Variants in DMGDH observed in about 807,000 individuals in gnomAD.
DMGDH encodes dimethylglycine dehydrogenase.
Under a neutral mutation model 95.2 loss-of-function variants are expected in DMGDH, and 76 were observed. That is an observed-to-expected ratio of 0.80 (90% CI 0.66 to 0.97). DMGDH has a LOEUF of 0.97. Ranked by LOEUF, DMGDH falls within the 50% of genes least tolerant of loss-of-function variation. The pLI is 0.00. For missense variants in DMGDH, 987 were observed against 1,055.0 expected (o/e 0.94, Z 0.89); for synonymous variants, 345 against 377.6 (o/e 0.91, Z 1.00).
intron 14 of DMGDH, among the ~76,000 whole-genome samples, chr5:79,012,257 T>A (rs1460501092): frequency 6.6e-6 from 1 of 152,168 alleles, no homozygotes; most frequent in Non-Finnish European, 1.5e-5. Context: ...AGGGAAGTCA[T>A]TAAATCTTAA....
In DMGDH at chr5:79,001,065, A is replaced by T. The variant is rs936072370; in HGVS notation, c.2386-2768T>A. The T allele has an allele frequency of 2.3e-5, 15 of 659,382 alleles. No homozygotes were observed. The African/African-American group carries it at 2.4e-4, about 10-fold the overall frequency. 40.8% of individuals were successfully genotyped at this position (659,382 alleles called of 1,614,324 possible). A position where few individuals can be genotyped will look rare whatever the true frequency, so the allele number is the denominator to read the frequency against. On this transcript the variant is annotated intron_variant, in intron 15 of 15. Coordinates refer to ENST00000255189, the MANE Select transcript of DMGDH (RefSeq NM_013391.3). ...CCATTCCTCGCCATCAATGGCTACC[A>T]TTGCTTCAATTTCCTCATCCTGCCT...
intron 4 of DMGDH, among the ~76,000 whole-genome samples, chr5:79,052,711 T>C (rs1754904984): frequency 6.6e-6 from 1 of 152,194 alleles, no homozygotes; most frequent in Non-Finnish European, 1.5e-5. Flanking sequence ...CAGCAAAGCA[T>C]TCAGGATTGA....
At chr5:79,050,270 AAAAATATATATATAT>A (rs1300762687) in intron 5 of DMGDH, among the ~76,000 whole-genome samples, 3 of 30,506 alleles carry the variant, frequency 9.8e-5, no homozygotes, top group Admixed American at 4.3e-4. Flanking sequence ...AAAAAAAAAA[AAAAATATATATATAT>A]ATATATATAT....
intron 5 of DMGDH, among the ~76,000 whole-genome samples, chr5:79,045,152 C>A (rs1407387982): frequency 6.6e-6 from 1 of 152,100 alleles, no homozygotes; most frequent in East Asian, 1.9e-4. Flanking sequence ...TAAGTTTTAT[C>A]TGTTGTTTTA....
At chr5:79,020,896 A>G (rs1198563180) in intron 14 of DMGDH, 2 of 985,334 alleles carry the variant, frequency 2.0e-6, no homozygotes, top group Non-Finnish European at 2.4e-6. Context: ...ATGGACAAAA[A>G]TTCAATATTT....
intron 4 of DMGDH, among the ~76,000 whole-genome samples, chr5:79,052,756 G>A (rs1377477891): frequency 2.0e-5 from 3 of 152,336 alleles, no homozygotes; most frequent in African/African-American, 7.2e-5. Flanking sequence ...CTTACTGGTA[G>A]TGGAGGTAAA....
intron 5 of DMGDH, among the ~76,000 whole-genome samples, chr5:79,047,989 C>T (rs1268838251): frequency 6.6e-6 from 1 of 152,130 alleles, no homozygotes; most frequent in Non-Finnish European, 1.5e-5. Flanking sequence ...AGAATCGGTG[C>T]TGGATTCTGC....
intron 1 of DMGDH, among the ~76,000 whole-genome samples, chr5:79,067,072 C>G (rs561157798): frequency 6.6e-6 from 1 of 152,248 alleles, no homozygotes; most frequent in Admixed American, 6.5e-5. Flanking sequence ...GGTTTCTAAT[C>G]CATTACTAGT....
intron 3 of DMGDH, among the ~76,000 whole-genome samples, chr5:79,055,344 C>T (rs1754995898): frequency 6.6e-6 from 1 of 152,190 alleles, no homozygotes; most frequent in Non-Finnish European, 1.5e-5. Flanking sequence ...AGACCTCAGT[C>T]TTAGCCTATG....
chr5:79,063,390 C>A (rs941198801), intron 2 of DMGDH, among the ~76,000 whole-genome samples: 1 of 152,124 alleles, frequency 6.6e-6, no homozygotes, highest in African/African-American at 2.4e-5. Context: ...TAGAAAATTG[C>A]AAAGCCAGGA....
rs911980276 is a variant in DMGDH at position 79,007,396 on chromosome 5, T to C, written c.2251-1989A>G. Among the ~76,000 whole-genome samples the C allele has an allele frequency of 2.6e-5, 4 of 152,122 alleles. No individual in the cohort carries two copies. In the South Asian group the frequency reaches 8.3e-4, roughly 32 times the overall value. Reference sequence around the variant, plus strand: ...TATATATGGGTTGGTGGTTCTTGAGTAAACTCAGATTTTGGTATATGTGGG... The same window carrying C: ...TATATATGGGTTGGTGGTTCTTGAGCAAACTCAGATTTTGGTATATGTGGG... On this transcript the variant is annotated intron_variant, in intron 14 of 15. Transcript: ENST00000255189.
intron 1 of DMGDH, among the ~76,000 whole-genome samples, chr5:79,064,485 A>T (rs1431848946): frequency 6.6e-6 from 1 of 152,192 alleles, no homozygotes; most frequent in East Asian, 1.9e-4. Flanking sequence ...GGCCTAGGAC[A>T]TTACTGTACA....
chr5:79,063,477 C>T, intron 2 of DMGDH, 136 bp downstream of exon 2: 2 of 965,622 alleles, frequency 2.1e-6, no homozygotes, highest in Non-Finnish European at 3.2e-6. Context: ...ACCAGTTAAA[C>T]TACAACTGCA....
chr5:78,998,173 T>C lies in DMGDH; in HGVS notation c.2510A>G (p.Asn837Ser). Residue 837 changes from asparagine (N) to serine (S), a missense_variant, in exon 16 of 16, where the codon AAT (asparagine) becomes AGT (serine). By Grantham distance (46) the Asn-to-Ser change is conservative (BLOSUM62 1). Transcript: ENST00000255189. ...QQVEVELLGK[N>S]YPAVIIQEPL... is the part of the protein sequence containing the mutation. Reference sequence around the variant, plus strand: ...TTCTTGTATGATGACTGCTGGGTAATTTTTGCCTAATAGTTCAACTTCCAC... The same window carrying C: ...TTCTTGTATGATGACTGCTGGGTAACTTTTGCCTAATAGTTCAACTTCCAC... The C allele has an allele frequency of 6.2e-7, 1 of 1,614,210 alleles. No homozygotes were observed. The highest frequency in any genetic ancestry group is 1.3e-5 in the African/African-American group (1 of 75,048).
At chr5:79,066,318 C>T (rs1298747364) in intron 1 of DMGDH, among the ~76,000 whole-genome samples, 3 of 151,876 alleles carry the variant, frequency 2.0e-5, no homozygotes, top group Non-Finnish European at 4.4e-5. Context: ...TGGAGTCTTG[C>T]TCTGTTGCCC....
intron 13 of DMGDH, among the ~76,000 whole-genome samples, chr5:79,024,885 A>C (rs1033964909): frequency 6.6e-6 from 1 of 152,244 alleles, no homozygotes; most frequent in Non-Finnish European, 1.5e-5. Flanking sequence ...ATAGACCTGA[A>C]GTTAATGGTT....
intron 14 of DMGDH, among the ~76,000 whole-genome samples, chr5:79,023,470 ATTAT>A (rs1753915337): frequency 1.3e-5 from 2 of 152,160 alleles, no homozygotes; most frequent in East Asian, 1.9e-4. Flanking sequence ...TTCCACTATA[ATTAT>A]TTAGAGTAAT....
chr5:79,045,606 C>T (rs1037513185), intron 5 of DMGDH, among the ~76,000 whole-genome samples: 5 of 151,968 alleles, frequency 3.3e-5, no homozygotes, highest in Non-Finnish European at 7.4e-5. Flanking sequence ...AATAAAAATG[C>T]TTATTATTTG....
At chr5:79,010,177 C>T (rs1172238857) in intron 14 of DMGDH, among the ~76,000 whole-genome samples, 5 of 152,076 alleles carry the variant, frequency 3.3e-5, no homozygotes, top group Admixed American at 6.5e-5. Flanking sequence ...AATATAATTA[C>T]TCATCTCTCA....
Sources: allele counts gnomAD v4.1 joint callset (sites outside exome capture counted in the v4.1 genomes callset), GRCh38; gene constraint gnomAD v4.1.1; transcripts MANE v1.5; gene names NCBI Gene and HGNC (gene_info 2026-07-23, HGNC 2026-07-21).